The following CCDC178 variants were observed in gnomAD, a reference collection of about 807,000 sequenced individuals.
CCDC178 encodes coiled-coil domain-containing protein 178.
In CCDC178, 126 loss-of-function variants were observed where a neutral mutation model predicts 117.4. The observed-to-expected ratio is 1.07, with a 90% CI of 0.93 to 1.24. The LOEUF is 1.24. CCDC178 is among the 50% of genes most tolerant of loss of function. CCDC178 has a pLI of 0.00. For synonymous variants in CCDC178, 283 were observed against 313.4 expected (o/e 0.90, Z 1.02); for missense variants, 1,030 against 986.9 (o/e 1.04, Z -0.59).
chr18:33,098,654 C>T (rs1024011863), intron 20 of CCDC178, among the ~76,000 whole-genome samples: 1 of 152,014 alleles, frequency 6.6e-6, no homozygotes, highest in African/African-American at 2.4e-5. Context: ...GGACTTCCCA[C>T]CAGAACCATC....
intron 21 of CCDC178, among the ~76,000 whole-genome samples, chr18:33,071,734 C>A (rs1442173398): frequency 1.3e-5 from 2 of 152,016 alleles, no homozygotes; most frequent in African/African-American, 4.8e-5. Flanking sequence ...AATGTTCAAC[C>A]AAAGGGAAAT....
At chr18:33,148,645 G>T (rs1009965925) in intron 20 of CCDC178, among the ~76,000 whole-genome samples, 9 of 151,878 alleles carry the variant, frequency 5.9e-5, no homozygotes, top group Non-Finnish European at 1.2e-4. Context: ...TGCTTTTATT[G>T]TATCCCATTT....
chr18:33,213,197 G>C (rs2059126985), intron 19 of CCDC178, among the ~76,000 whole-genome samples: 1 of 151,896 alleles, frequency 6.6e-6, no homozygotes, highest in South Asian at 2.1e-4. Context: ...GACAGAACCA[G>C]AATTCAAATC....
intron 21 of CCDC178, among the ~76,000 whole-genome samples, chr18:32,993,034 C>T (rs187552370): frequency 5.9e-5 from 9 of 151,928 alleles, no homozygotes; most frequent in African/African-American, 1.7e-4. Context: ...GGCGTGGTGG[C>T]GCAAACCTGT....
chr18:33,134,809 T>TTCA (rs2058106434), intron 20 of CCDC178, among the ~76,000 whole-genome samples: 1 of 152,048 alleles, frequency 6.6e-6, no homozygotes, highest in East Asian at 1.9e-4. Context: ...CACATAAGTT[T>TTCA]CTCTGTCATT....
intron 9 of CCDC178, among the ~76,000 whole-genome samples, chr18:33,336,744 CCAGA>C (rs1212439704): frequency 6.6e-6 from 1 of 151,902 alleles, no homozygotes; most frequent in East Asian, 1.9e-4. Flanking sequence ...GAACATTCAC[CCAGA>C]CAGATAAAAT....
chr18:33,375,831 T>C (rs2063357204), intron 5 of CCDC178, among the ~76,000 whole-genome samples: 1 of 152,168 alleles, frequency 6.6e-6, no homozygotes, highest in African/African-American at 2.4e-5. Flanking sequence ...GTGGCAAATC[T>C]GTACTGGTCC....
chr18:33,145,468 G>A (rs1375885132), intron 20 of CCDC178, among the ~76,000 whole-genome samples: 1 of 151,990 alleles, frequency 6.6e-6, no homozygotes, highest in African/African-American at 2.4e-5. Flanking sequence ...ATGATTTATT[G>A]GGTATAGTAC....
intron 20 of CCDC178, among the ~76,000 whole-genome samples, chr18:33,106,361 C>T (rs186564877): frequency 1.2e-4 from 18 of 151,832 alleles, no homozygotes; most frequent in African/African-American, 4.3e-4. Context: ...ATGCTACATC[C>T]ACTCCAGAAA....
At chr18:33,103,582 TAAA>T (rs1204805697) in intron 20 of CCDC178, among the ~76,000 whole-genome samples, 1 of 140,858 alleles carries the variant, frequency 7.1e-6, no homozygotes, top group Non-Finnish European at 1.6e-5. Context: ...TCGAAGTCCT[TAAA>T]AAAAAAAAAA....
intron 8 of CCDC178, 42 bp downstream of exon 8, chr18:33,348,848 T>C: frequency 8.0e-7 from 1 of 1,253,496 alleles, no homozygotes; most frequent in Non-Finnish European, 1.2e-6. Context: ...TCAATGAACT[T>C]TTAAATATAT....
intron 14 of CCDC178, among the ~76,000 whole-genome samples, chr18:33,250,321 A>C (rs1412205084): frequency 1.3e-5 from 2 of 151,700 alleles, no homozygotes; most frequent in East Asian, 3.9e-4. Context: ...AGAAAAACTA[A>C]ATAATTCCAG....
chr18:33,127,013 T>TATAC (rs1156299910), intron 20 of CCDC178, among the ~76,000 whole-genome samples: 1 of 144,900 alleles, frequency 6.9e-6, no homozygotes, highest in Non-Finnish European at 1.5e-5. Context: ...TATATATATA[T>TATAC]ATACACACAC....
chr18:33,050,786 G>A (rs899603455), intron 21 of CCDC178, among the ~76,000 whole-genome samples: 4 of 152,138 alleles, frequency 2.6e-5, no homozygotes, highest in Non-Finnish European at 5.9e-5. Context: ...GAAAGACCTA[G>A]AATTTATTTT....
intron 6 of CCDC178, among the ~76,000 whole-genome samples, chr18:33,357,174 C>T (rs2063069144): frequency 6.6e-6 from 1 of 152,078 alleles, no homozygotes; most frequent in Non-Finnish European, 1.5e-5. Context: ...ATGTCTTTCC[C>T]TGTAACTTCT....
At chr18:32,966,343 G>A (rs1345335905) in intron 22 of CCDC178, among the ~76,000 whole-genome samples, 1 of 151,762 alleles carries the variant, frequency 6.6e-6, no homozygotes, top group African/African-American at 2.4e-5. Context: ...TTGGAACACA[G>A]CTGCATCCAT....
chr18:33,285,574 A>G (rs1461520153), intron 12 of CCDC178, among the ~76,000 whole-genome samples: 1 of 152,190 alleles, frequency 6.6e-6, no homozygotes, highest in East Asian at 1.9e-4. Context: ...AAAATCTTAA[A>G]TAAAATCCTT....
At chr18:33,316,324 C>T (rs1265438440) in intron 11 of CCDC178, among the ~76,000 whole-genome samples, 2 of 152,194 alleles carry the variant, frequency 1.3e-5, no homozygotes, top group African/African-American at 4.8e-5. Context: ...CTCGAAGCGG[C>T]CGGCTGCAAG....
At chr18:33,427,429 G>C (rs1326938195) in intron 2 of CCDC178, among the ~76,000 whole-genome samples, 3 of 151,954 alleles carry the variant, frequency 2.0e-5, no homozygotes, top group East Asian at 1.9e-4. Context: ...TTACAAAATA[G>C]TAAAAAATCA....
Sources: allele counts gnomAD v4.1 joint callset (sites outside exome capture counted in the v4.1 genomes callset), GRCh38; gene constraint gnomAD v4.1.1; transcripts MANE v1.5; gene names NCBI Gene and HGNC (gene_info 2026-07-23, HGNC 2026-07-21).